The following ERP44 variants were observed in gnomAD, a reference collection of about 807,000 sequenced individuals.
ERP44 encodes endoplasmic reticulum protein 44, also known as endoplasmic reticulum resident protein 44.
ERP44 carries 25 observed loss-of-function variants against 53.4 expected under a neutral mutation model. The observed-to-expected ratio is 0.47, with a 90% CI of 0.34 to 0.65. The LOEUF is 0.65. ERP44 is among the 30% of genes least tolerant of loss of function. The pLI, the probability that ERP44 is intolerant of heterozygous loss-of-function variation, is 0.01. For synonymous variants in ERP44, 145 were observed against 161.2 expected (o/e 0.90, Z 0.76); for missense variants, 338 against 493.2 (o/e 0.69, Z 2.98).
intron 1 of ERP44, among the ~76,000 whole-genome samples, chr9:100,063,881 A>C (rs1335293204): frequency 6.6e-6 from 1 of 152,228 alleles, no homozygotes; most frequent in Non-Finnish European, 1.5e-5. Flanking sequence ...CATTTACTGT[A>C]CCAACTATTA....
At chr9:100,071,639 G>T (rs1032316314) in intron 1 of ERP44, among the ~76,000 whole-genome samples, 2 of 151,836 alleles carry the variant, frequency 1.3e-5, no homozygotes, top group African/African-American at 4.8e-5. Flanking sequence ...GTATTTTTTG[G>T]CCAGGCACAG....
At chr9:100,043,810 T>C (rs1423135438) in intron 4 of ERP44, among the ~76,000 whole-genome samples, 1 of 152,096 alleles carries the variant, frequency 6.6e-6, no homozygotes, top group African/African-American at 2.4e-5. Flanking sequence ...CTACTATGTA[T>C]CTACAAAAGT....
intron 1 of ERP44, among the ~76,000 whole-genome samples, chr9:100,074,644 C>T (rs1826337138): frequency 6.6e-6 from 1 of 152,172 alleles, no homozygotes; most frequent in Non-Finnish European, 1.5e-5. Flanking sequence ...TGCAGTGAAT[C>T]TTTGTCCCAT....
At chr9:100,058,026 A>G (rs1388290282) in intron 2 of ERP44, among the ~76,000 whole-genome samples, 167 bp from the exon 3 acceptor site, 1 of 152,194 alleles carries the variant, frequency 6.6e-6, no homozygotes, top group Non-Finnish European at 1.5e-5. Context: ...TATATAATTT[A>G]TGGGAAACTT....
rs897456880 is a variant in ERP44, at chr9:100,018,014, C to T, written c.645+242G>A. ...CAGGAGATCCCTAATGCCAGCTCTG[C>T]TACTCTAATGCCAGCTCTGCTACTC... On this transcript the variant is annotated intron_variant, in intron 7 of 11. Transcript: ENST00000262455. Among the ~76,000 whole-genome samples the T allele has an allele frequency of 3.3e-5, 5 of 151,202 alleles. No homozygotes were observed. The South Asian group carries it at 1.0e-3, about 31-fold the overall frequency.
intron 8 of ERP44, among the ~76,000 whole-genome samples, chr9:100,010,348 CAT>C (rs1390689364): frequency 1.3e-5 from 2 of 152,186 alleles, no homozygotes; most frequent in Non-Finnish European, 2.9e-5. Context: ...TTGCTTACAA[CAT>C]AATAAATCTC....
At chr9:100,090,770 A>G (rs1221422259) in intron 1 of ERP44, among the ~76,000 whole-genome samples, 2 of 152,102 alleles carry the variant, frequency 1.3e-5, no homozygotes, top group Non-Finnish European at 1.5e-5. Context: ...AATATACAAC[A>G]AAACAGCTAA....
chr9:100,006,669 A>G, intron 9 of ERP44, 22 bp from the exon 10 acceptor site: 10 of 1,519,270 alleles, frequency 6.6e-6, no homozygotes, highest in Non-Finnish European at 8.9e-6. Flanking sequence ...AAGAATTTTG[A>G]GAGGTAAATT....
chr9:99,998,528 T>G (rs1301580012), intron 10 of ERP44: 5 of 719,946 alleles, frequency 6.9e-6, no homozygotes, highest in Non-Finnish European at 1.3e-5. Context: ...CCCCCATCTC[T>G]GCTAATCTTC....
At chr9:100,086,650 T>C (rs1826487275) in intron 1 of ERP44, among the ~76,000 whole-genome samples, 1 of 152,178 alleles carries the variant, frequency 6.6e-6, no homozygotes, top group African/African-American at 2.4e-5. Context: ...GAAAAACTGA[T>C]ATTCAAAAAG....
intron 10 of ERP44, among the ~76,000 whole-genome samples, chr9:100,006,227 T>C (rs1259000619): frequency 6.6e-6 from 1 of 152,230 alleles, no homozygotes; most frequent in Non-Finnish European, 1.5e-5. Flanking sequence ...AAAATTTTCT[T>C]TGAGAGATTG....
At chr9:100,069,318 C>CAAAA (rs1033379479) in intron 1 of ERP44, among the ~76,000 whole-genome samples, 1 of 127,156 alleles carries the variant, frequency 7.9e-6, no homozygotes, top group Non-Finnish European at 1.7e-5. Flanking sequence ...CCAAACCAAC[C>CAAAA]AAAAAAAAGA....
At position 99,982,685 on chromosome 9, in the gene ERP44, G is replaced by A; in HGVS notation, c.1148C>T (p.Pro383Leu). 1 of 1,610,008 alleles carries A rather than the reference G, an allele frequency of 6.2e-7. No individual in the cohort carries two copies. The highest frequency in any genetic ancestry group is 8.5e-7 in the Non-Finnish European group (1 of 1,178,620). Residue 383 changes from proline (P) to leucine (L), a missense_variant, in exon 12 of 12, where the codon CCT becomes CTT. Pro to Leu is a moderately conservative substitution (Grantham distance 98). This residue lies in a region of ERP44 where 113 missense variants were observed against 172.6 expected (regional missense o/e 0.65). Coordinates refer to ENST00000262455, the MANE Select transcript of ERP44 (RefSeq NM_015051.3). ...TGCTAGTTTCTGGAAGGAGCTCTCA[G>A]GTGGACTGCTTGCTACATCTTGGGC... Reference protein sequence around the residue: ...EQAQDVASSPPESSFQKLAPS... With the variant: ...EQAQDVASSPLESSFQKLAPS...
chr9:100,047,800 A>G (rs1825990691), intron 4 of ERP44, among the ~76,000 whole-genome samples: 1 of 152,208 alleles, frequency 6.6e-6, no homozygotes, highest in South Asian at 2.1e-4. Flanking sequence ...AAGGCAACCT[A>G]TAGAACAGGA....
chr9:99,986,902 C>T (rs545942956), intron 10 of ERP44, among the ~76,000 whole-genome samples: 2 of 152,312 alleles, frequency 1.3e-5, no homozygotes, highest in East Asian at 3.9e-4. Context: ...ACAGCAAGTG[C>T]TAAAATATAT....
chr9:100,027,003 T>G (rs1273764289), intron 4 of ERP44, among the ~76,000 whole-genome samples: 3 of 152,202 alleles, frequency 2.0e-5, no homozygotes, highest in Non-Finnish European at 2.9e-5. Context: ...GAAAGTAGTG[T>G]GCTAACAGCA....
chr9:100,017,704 C>T (rs891403663), intron 7 of ERP44, among the ~76,000 whole-genome samples: 7 of 151,988 alleles, frequency 4.6e-5, no homozygotes, highest in African/African-American at 7.3e-5. Context: ...CAATGGCAGA[C>T]GCTTGGTGAA....
intron 4 of ERP44, among the ~76,000 whole-genome samples, chr9:100,043,289 A>AG: frequency 6.9e-6 from 1 of 145,894 alleles, no homozygotes; most frequent in Non-Finnish European, 1.5e-5. Flanking sequence ...AAAAAAAAAA[A>AG]AAGATAAATA....
chr9:100,067,755 T>G lies in ERP44; in HGVS notation c.58-7583A>C, dbSNP rs1826235534. On this transcript the variant is annotated intron_variant, in intron 1 of 11. Transcript: ENST00000262455. Reference sequence around the variant, plus strand: ...CCATCTAGGAAGTGAGGAGCGCCTCTTCCCGGCCGCCATCCCATCTGGGAA... The same window carrying G: ...CCATCTAGGAAGTGAGGAGCGCCTCGTCCCGGCCGCCATCCCATCTGGGAA... Among the ~76,000 whole-genome samples the G allele has an allele frequency of 2.0e-5, 3 of 150,980 alleles. No homozygotes were observed. The South Asian group carries it at 6.3e-4, about 32-fold the overall frequency.
Sources: gnomAD v4.1 joint callset for allele counts (sites outside exome capture counted in the v4.1 genomes callset) on GRCh38, gnomAD v4.1.1 for gene constraint, gnomAD v4.1.1 regional missense constraint, MANE v1.5 for transcripts, NCBI Gene and HGNC (gene_info 2026-07-23, HGNC 2026-07-21) for gene names.